NIBAN2: variants seen among roughly 807,000 people sequenced by gnomAD.
NIBAN2 encodes niban apoptosis regulator 2.
NIBAN2 carries 36 observed loss-of-function variants against 81.8 expected under a neutral mutation model. The observed-to-expected ratio is 0.44, with a 90% CI of 0.34 to 0.58. The LOEUF (loss-of-function observed/expected upper bound fraction) is 0.58, where lower values mean the gene tolerates loss of function less well. Ranked by LOEUF, NIBAN2 falls within the 20% of genes least tolerant of loss-of-function variation. The pLI, the probability that NIBAN2 is intolerant of heterozygous loss-of-function variation, is 0.02. For missense variants in NIBAN2, 897 were observed against 1,014.1 expected (o/e 0.88, Z 1.57); for synonymous variants, 445 against 441.6 (o/e 1.01, Z -0.10).
At chr9:127,527,633 C>T (rs1029397360) in intron 2 of NIBAN2, among the ~76,000 whole-genome samples, 1 of 152,218 alleles carries the variant, frequency 6.6e-6, no homozygotes, top group Admixed American at 6.5e-5. Flanking sequence ...CCTCTCCATC[C>T]CAGCCTTGGG....
In NIBAN2 at chr9:127,559,896, C is replaced by T. The variant is rs4837165; in HGVS notation, c.55+8924G>A. Among the ~76,000 whole-genome samples, 8,645 of 152,278 alleles carry T rather than the reference C, an allele frequency of 0.057. 452 individuals carry two copies. The highest frequency in any genetic ancestry group is 0.13 in the African/African-American group (5,446 of 41,544). On this transcript the variant is annotated intron_variant, in intron 1 of 13. Transcript: ENST00000373312. This position sits in a 1 kb window ranked among gnomAD's most constrained non-coding sequence, Gnocchi z 4.0. Reference sequence around the variant, plus strand: ...TGGATGAACCAGGAGCCGATGCTCCCTAAGCACAAAGAGCTAAGGCCACAT... The same window carrying T: ...TGGATGAACCAGGAGCCGATGCTCCTTAAGCACAAAGAGCTAAGGCCACAT...
At chr9:127,557,813 G>GT (rs1837700586) in intron 1 of NIBAN2, among the ~76,000 whole-genome samples, 1 of 152,238 alleles carries the variant, frequency 6.6e-6, no homozygotes, top group African/African-American at 2.4e-5. Context: ...GTCAGGGTGA[G>GT]TGAAAGGGCT....
Position 127,508,563 on chromosome 9 carries a change from GA to G in NIBAN2, c.1318-26del. The G allele has an allele frequency of 6.3e-7, 1 of 1,589,600 alleles. No homozygotes were observed. Among genetic ancestry groups the G allele is most frequent in the Non-Finnish European group, 8.6e-7 (1 of 1,159,056 alleles). ...GCTGCAGGGCATACCGCGGACATGTGAAGCCCCCAGGGTGACCACAGCCCCT... is the reference window on the plus strand; with the variant it reads ...GCTGCAGGGCATACCGCGGACATGTGAGCCCCCAGGGTGACCACAGCCCCT... On this transcript the variant is annotated intron_variant, in intron 10 of 13. Coordinates refer to ENST00000373312, the MANE Select transcript of NIBAN2 (RefSeq NM_022833.4). This position sits in a 1 kb window ranked among gnomAD's most constrained non-coding sequence, Gnocchi z 6.4.
intron 9 of NIBAN2, 117 bp from the exon 10 acceptor site, chr9:127,509,248 G>A (rs1836681466): frequency 1.0e-6 from 1 of 989,530 alleles, no homozygotes; most frequent in African/African-American, 1.6e-5. Context: ...CCTGCTACCA[G>A]GGATGGCCAC....
intron 1 of NIBAN2, among the ~76,000 whole-genome samples, chr9:127,564,724 T>G (rs1837828704): frequency 6.6e-6 from 1 of 151,830 alleles, no homozygotes; most frequent in Non-Finnish European, 1.5e-5. Context: ...AATACCAAAA[T>G]TAGCCGGGCA....
chr9:127,510,193 T>C lies in NIBAN2; in HGVS notation c.1114A>G (p.Met372Val). 3 of 1,614,056 alleles carry C rather than the reference T, an allele frequency of 1.9e-6. No individual in the cohort carries two copies. Among genetic ancestry groups the C allele is most frequent in the Non-Finnish European group, 2.5e-6 (3 of 1,179,932 alleles). The change falls in exon 9 of 14, where the codon ATG (methionine) becomes GTG (valine). Residue 372 changes from methionine (M) to valine (V), a missense_variant. Coordinates refer to ENST00000373312, the MANE Select transcript of NIBAN2 (RefSeq NM_022833.4). Reference protein sequence around the residue: ...RDVFFKEVTDMNLNVINEGGI... With the variant: ...RDVFFKEVTDVNLNVINEGGI... ...CCCTCGTTGATGACGTTCAGGTTCA[T>C]GTCCGTGACCTCCTTGAAGAAGACA...
chr9:127,551,946 C>T (rs956490113), intron 1 of NIBAN2, among the ~76,000 whole-genome samples: 1 of 152,188 alleles, frequency 6.6e-6, no homozygotes, highest in African/African-American at 2.4e-5. Flanking sequence ...ATGAGCTCAG[C>T]CAGCAGCAGG....
At chr9:127,553,866 C>G (rs989877052) in intron 1 of NIBAN2, among the ~76,000 whole-genome samples, 10 of 152,182 alleles carry the variant, frequency 6.6e-5, no homozygotes, top group Non-Finnish European at 1.5e-4. Context: ...TAGGCTTGTG[C>G]CACCATGCCT....
In NIBAN2 at chr9:127,565,944, T is replaced by TCACACACA. The variant is rs1220466008; in HGVS notation, c.55+2875_55+2876insTGTGTGTG. Among the ~76,000 whole-genome samples the TCACACACA allele has an allele frequency of 2.2e-3, 248 of 110,392 alleles. 1 individual carries two copies. The highest frequency in any genetic ancestry group is 3.4e-3 in the Non-Finnish European group (192 of 55,848). 72.4% of individuals were successfully genotyped at this position (110,392 alleles called of 152,430 possible). On this transcript the variant is annotated intron_variant, in intron 1 of 13. Coordinates refer to ENST00000373312, the MANE Select transcript of NIBAN2 (RefSeq NM_022833.4). The stretch of plus-strand genomic sequence containing the variant: ...GGGAGACCCTGTCTCTCTCTCTCTC[T>TCACACACA]CTCACACACACACACACACACACAC...
chr9:127,530,325 T>A (rs1027295957), intron 2 of NIBAN2, among the ~76,000 whole-genome samples: 1 of 152,056 alleles, frequency 6.6e-6, no homozygotes, highest in East Asian at 1.9e-4. Flanking sequence ...ACCGGGCGGG[T>A]TGCAGTCACA....
At chr9:127,531,915 C>G in intron 1 of NIBAN2, 137 bp from the exon 2 acceptor site, 1 of 1,198,142 alleles carries the variant, frequency 8.3e-7, no homozygotes, top group Non-Finnish European at 1.2e-6. Flanking sequence ...TCGCGCTCAT[C>G]TGCGCTGCAT....
intron 1 of NIBAN2, among the ~76,000 whole-genome samples, chr9:127,553,977 C>G (rs569509573): frequency 7.9e-5 from 12 of 152,162 alleles, no homozygotes; most frequent in Non-Finnish European, 1.8e-4. Context: ...CTCACCACCC[C>G]AATGCCCCCA....
chr9:127,564,505 T>C (rs982413907), intron 1 of NIBAN2, among the ~76,000 whole-genome samples: 1 of 152,108 alleles, frequency 6.6e-6, no homozygotes, highest in African/African-American at 2.4e-5. Context: ...GGTAGTCTTG[T>C]GTGTTCTGAC....
intron 1 of NIBAN2, among the ~76,000 whole-genome samples, chr9:127,533,467 A>T (rs1837222075): frequency 6.7e-6 from 1 of 149,884 alleles, no homozygotes; most frequent in Non-Finnish European, 1.5e-5. Flanking sequence ...AAAAAACAAA[A>T]CAAAACAAAA....
At chr9:127,542,582 C>T (rs1837400147) in intron 1 of NIBAN2, among the ~76,000 whole-genome samples, 2 of 152,252 alleles carry the variant, frequency 1.3e-5, no homozygotes, top group South Asian at 4.1e-4. Context: ...GGAGCAGGCC[C>T]TTGGCTGGGT....
At chr9:127,574,578 C>G (rs915345251) in intron 1 of NIBAN2, among the ~76,000 whole-genome samples, 4 of 152,146 alleles carry the variant, frequency 2.6e-5, no homozygotes, top group African/African-American at 7.2e-5. Flanking sequence ...GGCCCTTTCT[C>G]TCCCCATGAG....
chr9:127,564,864 CA>C (rs80188088), intron 1 of NIBAN2, among the ~76,000 whole-genome samples: 35,904 of 118,310 alleles, frequency 0.3, 4,227 homozygotes, highest in East Asian at 0.33. Flanking sequence ...GACGCCATCT[CA>C]AAAAAAAAAA....
intron 3 of NIBAN2, 91 bp downstream of exon 3, chr9:127,527,103 G>A: frequency 5.9e-6 from 9 of 1,514,836 alleles, no homozygotes; most frequent in Non-Finnish European, 8.1e-6. Context: ...CTGTGACGGT[G>A]GCGTCTGGGG....
At chr9:127,554,685 C>T (rs191144461) in intron 1 of NIBAN2, among the ~76,000 whole-genome samples, 13 of 151,390 alleles carry the variant, frequency 8.6e-5, no homozygotes, top group East Asian at 3.9e-4. Context: ...CTCAGCCTCT[C>T]GAGTAGCTGG....
Sources: allele counts gnomAD v4.1 joint callset (sites outside exome capture counted in the v4.1 genomes callset), GRCh38; gene constraint gnomAD v4.1.1; non-coding constraint Gnocchi (gnomAD v3.1); transcripts MANE v1.5; gene names NCBI Gene and HGNC (gene_info 2026-07-23, HGNC 2026-07-21).